PDE4D: variants seen among roughly 807,000 people sequenced by gnomAD.
The protein encoded by PDE4D is 3',5'-cyclic-AMP phosphodiesterase 4D.
A neutral mutation model predicts 87.4 loss-of-function variants in PDE4D; 24 were observed. The ratio of observed to expected loss-of-function variants is 0.27; its 90% CI spans 0.20 to 0.39. The LOEUF (loss-of-function observed/expected upper bound fraction) is 0.39. PDE4D is among the 10% of genes least tolerant of loss of function. The pLI, the probability that PDE4D is intolerant of heterozygous loss-of-function variation, is 1.00. For synonymous variants in PDE4D, 384 were observed against 383.2 expected, an observed-to-expected ratio of 1.00 and a Z score of -0.02; for missense variants, 714 against 1,041.0, an observed-to-expected ratio of 0.69 and a Z score of 4.32.
intron 1 of PDE4D, among the ~76,000 whole-genome samples, chr5:59,798,449 C>A (rs1766755383): frequency 2.0e-5 from 3 of 152,044 alleles, no homozygotes; most frequent in Admixed American, 2.0e-4. Flanking sequence ...TTCTGCTGAG[C>A]ACTTGCGTAG....
intron 1 of PDE4D, among the ~76,000 whole-genome samples, chr5:60,228,296 G>T (rs1459268795): frequency 6.6e-6 from 1 of 152,108 alleles, no homozygotes; most frequent in Non-Finnish European, 1.5e-5. Flanking sequence ...TCAAGGTCAT[G>T]TCTGCTTGAT....
At chr5:60,478,936 C>A (rs570461826) in intron 1 of PDE4D, among the ~76,000 whole-genome samples, 1 of 152,128 alleles carries the variant, frequency 6.6e-6, no homozygotes, top group Non-Finnish European at 1.5e-5. Flanking sequence ...TAATAATATG[C>A]GCTGTAGAGC....
intron 1 of PDE4D, among the ~76,000 whole-genome samples, chr5:60,257,466 A>C (rs1008039510): frequency 1.3e-5 from 2 of 151,996 alleles, no homozygotes; most frequent in African/African-American, 4.8e-5. Flanking sequence ...ATTAAAAATA[A>C]AACTATCTGC....
At chr5:60,401,873 C>T (rs1203558787) in intron 1 of PDE4D, among the ~76,000 whole-genome samples, 1 of 152,226 alleles carries the variant, frequency 6.6e-6, no homozygotes, top group Non-Finnish European at 1.5e-5. Flanking sequence ...TTCTTCCCTG[C>T]TGCATCTTAA....
chr5:60,163,428 G>A (rs1782627198), intron 2 of PDE4D, among the ~76,000 whole-genome samples: 2 of 152,068 alleles, frequency 1.3e-5, no homozygotes. Context: ...TTCCAGAGCA[G>A]CTGTTTCCAG....
In PDE4D at chr5:60,505,702, C is replaced by CT. The variant is rs1750291372; in HGVS notation, n.70+16348dup. ...ATAGTACTTCAATTACAAATACCTA[C>CT]TTTACATTCTAATGTACACTTAAAA... On this transcript the variant is annotated intron_variant and non_coding_transcript_variant, in intron 1 of 2. Transcript: ENST00000506510. Among the ~76,000 whole-genome samples the CT allele has an allele frequency of 2.0e-5, 3 of 152,338 alleles. No individual in the cohort carries two copies. In the East Asian group the frequency reaches 5.8e-4, roughly 29 times the overall value.
At chr5:59,811,733 T>C (rs1404851207) in intron 1 of PDE4D, among the ~76,000 whole-genome samples, 1 of 152,220 alleles carries the variant, frequency 6.6e-6, no homozygotes, top group Admixed American at 6.5e-5. Context: ...TAGGTTTGAA[T>C]CTTGGAGCTG....
chr5:59,039,619 T>C (rs1458508376), intron 5 of PDE4D: 2 of 608,688 alleles, frequency 3.3e-6, no homozygotes, highest in Non-Finnish European at 4.1e-6. Flanking sequence ...CCCTCGGCGC[T>C]GCCTGGCTCC....
chr5:60,294,025 G>C (rs768267945), intron 1 of PDE4D, among the ~76,000 whole-genome samples: 1 of 152,194 alleles, frequency 6.6e-6, no homozygotes, highest in Non-Finnish European at 1.5e-5. Flanking sequence ...TTTCAAAGTA[G>C]TTACAACATT....
intron 1 of PDE4D, among the ~76,000 whole-genome samples, chr5:60,412,547 G>A (rs961620508): frequency 2.6e-5 from 4 of 151,972 alleles, no homozygotes; most frequent in Non-Finnish European, 4.4e-5. Context: ...AATCATCCTC[G>A]TTCTTCGATG....
chr5:59,852,838 G>C (rs763920536), intron 1 of PDE4D, among the ~76,000 whole-genome samples: 4 of 151,668 alleles, frequency 2.6e-5, no homozygotes, highest in Admixed American at 2.6e-4. Flanking sequence ...AAAAAAAAGA[G>C]TCGTTCAGTA....
intron 5 of PDE4D, among the ~76,000 whole-genome samples, chr5:59,179,913 C>A (rs1482433066): frequency 6.6e-6 from 1 of 152,214 alleles, no homozygotes; most frequent in African/African-American, 2.4e-5. Flanking sequence ...ATCATGCATT[C>A]TGTTTTTGGT....
Position 59,946,511 on chromosome 5 carries a change from AC to A in PDE4D, c.272+41976del, listed in dbSNP as rs1297947675. On this transcript the variant is annotated intron_variant, in intron 3 of 16. Transcript: ENST00000502484. ...TGTCTTTCACAAGTCGGAGTGCTGG[AC>A]CAAGAGACTTTCTAAAGTATCCTGG... 5.9e-5 allele frequency among the ~76,000 whole-genome samples: 9 copies of A among 152,326 alleles called. No individual in the cohort carries two copies. The South Asian group carries it at 8.3e-4, about 14-fold the overall frequency.
intron 5 of PDE4D, among the ~76,000 whole-genome samples, chr5:59,051,506 C>T (rs1761550080): frequency 6.6e-6 from 1 of 152,218 alleles, no homozygotes; most frequent in African/African-American, 2.4e-5. Flanking sequence ...TCATTTCAAA[C>T]ATTTCCCAAA....
At chr5:59,372,178 C>G (rs1784040704) in intron 1 of PDE4D, among the ~76,000 whole-genome samples, 1 of 152,142 alleles carries the variant, frequency 6.6e-6, no homozygotes, top group Non-Finnish European at 1.5e-5. Flanking sequence ...ATTTCTCTAC[C>G]TACCCAATGG....
Position 60,303,072 on chromosome 5 carries a change from G to A in PDE4D, c.-89-117385C>T, listed in dbSNP as rs148213897. 8.8e-4 allele frequency among the ~76,000 whole-genome samples: 134 copies of A among 152,104 alleles called. 2 individuals carry two copies. The East Asian group carries it at 0.022, about 26-fold the overall frequency. On this transcript the variant is annotated intron_variant, in intron 1 of 16. Transcript: ENST00000502484. ...TCAAACTCCTGAGCTCAAATGATCC[G>A]CTCACCTAGGCCTCCCCAAGTACTG...
At chr5:59,216,457 T>C (rs1751285835) in intron 1 of PDE4D, among the ~76,000 whole-genome samples, 1 of 152,184 alleles carries the variant, frequency 6.6e-6, no homozygotes, top group African/African-American at 2.4e-5. Context: ...TACCAATATT[T>C]TAAATTCAGG....
intron 3 of PDE4D, among the ~76,000 whole-genome samples, chr5:59,966,308 C>A (rs993253945): frequency 2.6e-5 from 4 of 152,152 alleles, no homozygotes; most frequent in Non-Finnish European, 4.4e-5. Flanking sequence ...TTTTCTTCGT[C>A]TAGAGCCTTA....
intron 1 of PDE4D, among the ~76,000 whole-genome samples, chr5:59,622,297 T>C (rs1043156059): frequency 9.2e-5 from 14 of 152,198 alleles, no homozygotes; most frequent in Admixed American, 7.9e-4. Flanking sequence ...TTATTGCAGG[T>C]ATCAATAACC....
Sources: allele counts gnomAD v4.1 joint callset (sites outside exome capture counted in the v4.1 genomes callset), GRCh38; gene constraint gnomAD v4.1.1; transcripts MANE v1.5; gene names NCBI Gene and HGNC (gene_info 2026-07-23, HGNC 2026-07-21).